Variants in HS6ST2 observed in about 807,000 individuals in gnomAD.
HS6ST2 encodes the protein heparan sulfate 6-O-sulfotransferase 2.
HS6ST2 carries 17 observed loss-of-function variants against 33.0 expected under a neutral mutation model. That is an observed-to-expected ratio of 0.52 (90% CI 0.35 to 0.77). The LOEUF is 0.77. Ranked by LOEUF, HS6ST2 falls within the 30% of genes least tolerant of loss-of-function variation. The pLI is 0.01. For synonymous variants in HS6ST2, 248 were observed against 237.1 expected (o/e 1.05, Z -0.42); for missense variants, 519 against 551.7 (o/e 0.94, Z 0.59).
At chrX:132,779,847 C>T (rs983628416) in intron 2 of HS6ST2, among the ~76,000 whole-genome samples, 2 of 110,962 alleles carry the variant, frequency 1.8e-5, no homozygotes, top group African/African-American at 3.3e-5. Context: ...GAAACTGAGA[C>T]TCAGAGAGAT....
At chrX:132,782,191 A>G (rs1485060639) in intron 2 of HS6ST2, among the ~76,000 whole-genome samples, 1 of 112,089 alleles carries the variant, frequency 8.9e-6, no homozygotes, top group Non-Finnish European at 1.9e-5. Flanking sequence ...AGTATAGTAC[A>G]CAGAAAGTTT....
At chrX:132,633,797 A>G (rs1038730150) in intron 4 of HS6ST2, among the ~76,000 whole-genome samples, 3 of 111,958 alleles carry the variant, frequency 2.7e-5, no homozygotes, top group Non-Finnish European at 5.6e-5. Context: ...ACTATTCTCT[A>G]TATAGCTTCA....
intron 2 of HS6ST2, among the ~76,000 whole-genome samples, chrX:132,810,429 GAGAGAGAAAGAGAGAGACAGAA>G (rs938747124): frequency 9.5e-6 from 1 of 105,174 alleles, no homozygotes; most frequent in Non-Finnish European, 2.0e-5. Flanking sequence ...AGGAAGGAAG[GAGAGAGAAAGAGAGAGACAGAA>G]AGAGAGAAAG....
intron 2 of HS6ST2, chrX:132,758,128 C>T (rs182858038): frequency 6.2e-5 from 7 of 112,606 alleles, no homozygotes; most frequent in Non-Finnish European, 3.8e-5. Context: ...GAAGTTAACT[C>T]ATAAATGTTA....
chrX:132,798,364 G>T, intron 2 of HS6ST2, among the ~76,000 whole-genome samples: 1 of 111,434 alleles, frequency 9.0e-6, no homozygotes, highest in Non-Finnish European at 1.9e-5. Context: ...GGGTCACTCA[G>T]CAGAATAGCC....
chrX:132,896,470 CAAAA>C (rs1176818195), intron 2 of HS6ST2, among the ~76,000 whole-genome samples: 2 of 52,245 alleles, frequency 3.8e-5, no homozygotes, highest in African/African-American at 1.5e-4. Flanking sequence ...GACTCCGTCT[CAAAA>C]AAAAAAAAAA....
At chrX:132,787,240 CATATATGTAT>C (rs1190625528) in intron 2 of HS6ST2, among the ~76,000 whole-genome samples, 2 of 66,350 alleles carry the variant, frequency 3.0e-5, no homozygotes, top group Non-Finnish European at 5.6e-5. Flanking sequence ...CATATATATA[CATATATGTAT>C]ATATATGTAT....
chrX:132,661,260 A>C (rs2063770115), intron 4 of HS6ST2, among the ~76,000 whole-genome samples: 1 of 110,494 alleles, frequency 9.1e-6, no homozygotes, highest in African/African-American at 3.3e-5. Flanking sequence ...ATCTGTCTTT[A>C]GTCACAGATA....
intron 2 of HS6ST2, among the ~76,000 whole-genome samples, chrX:132,881,446 T>C (rs961105477): frequency 1.3e-4 from 14 of 107,203 alleles, no homozygotes; most frequent in African/African-American, 4.8e-4. Context: ...TGTCTGTTCA[T>C]ATACTTTGCC....
chrX:132,884,562 A>T (rs900152741), intron 2 of HS6ST2, among the ~76,000 whole-genome samples: 1 of 112,299 alleles, frequency 8.9e-6, no homozygotes, highest in South Asian at 3.7e-4. Flanking sequence ...AGTGCTATAG[A>T]GAAAAGAGTA....
chrX:132,637,868 TATATATA>T (rs1391138034), intron 4 of HS6ST2, among the ~76,000 whole-genome samples: 990 of 42,962 alleles, frequency 0.023, 16 homozygotes, highest in Middle Eastern at 0.073. Flanking sequence ...TATAATATAT[TATATATA>T]ATATATATAT....
At chrX:132,696,119 A>G (rs2064102950) in intron 3 of HS6ST2, among the ~76,000 whole-genome samples, 1 of 111,965 alleles carries the variant, frequency 8.9e-6, no homozygotes, top group Non-Finnish European at 1.9e-5. Flanking sequence ...CCAAGTTTTC[A>G]CCATGGCAGT....
chrX:132,672,424 C>CT (rs2063890759), intron 3 of HS6ST2, among the ~76,000 whole-genome samples: 1 of 111,489 alleles, frequency 9.0e-6, no homozygotes, highest in African/African-American at 3.3e-5. Context: ...GCCCTCATCA[C>CT]TTTCATCTTG....
chrX:132,762,242 T>C (rs1031982608), intron 2 of HS6ST2, among the ~76,000 whole-genome samples: 1 of 111,408 alleles, frequency 9.0e-6, no homozygotes, highest in Non-Finnish European at 1.9e-5. Flanking sequence ...CTACTAGATA[T>C]TGAGCTCTTT....
At chrX:132,704,334 CACCT>C (rs2064170710) in intron 3 of HS6ST2, among the ~76,000 whole-genome samples, 1 of 112,178 alleles carries the variant, frequency 8.9e-6, no homozygotes, top group Non-Finnish European at 1.9e-5. Flanking sequence ...GTGGGTGGAT[CACCT>C]GAGGTCAGGA....
At chrX:132,922,800 C>T (rs927025914) in intron 2 of HS6ST2, among the ~76,000 whole-genome samples, 1 of 111,852 alleles carries the variant, frequency 8.9e-6, no homozygotes, top group Non-Finnish European at 1.9e-5. Context: ...CTGTGGCTCA[C>T]GCCTGTAATC....
At chrX:132,877,851 A>G (rs1365300712) in intron 2 of HS6ST2, among the ~76,000 whole-genome samples, 2 of 110,776 alleles carry the variant, frequency 1.8e-5, no homozygotes, top group South Asian at 3.9e-4. Context: ...TGATAAACCC[A>G]TAAATTCTAT....
chrX:132,821,210 CTTTT>C (rs397895430), intron 2 of HS6ST2, among the ~76,000 whole-genome samples: 1 of 77,089 alleles, frequency 1.3e-5, no homozygotes, highest in Non-Finnish European at 2.4e-5. Flanking sequence ...CATTCCCATT[CTTTT>C]TTTTTTTTTT....
At chrX:132,751,683 T>C (rs16993003) in intron 2 of HS6ST2, among the ~76,000 whole-genome samples, 2,169 of 112,820 alleles carry the variant, frequency 0.019, 54 homozygotes, top group African/African-American at 0.066. Flanking sequence ...AAAACCATCA[T>C]TTTTCACACT....
Sources: gnomAD v4.1 joint callset for allele counts (sites outside exome capture counted in the v4.1 genomes callset) on GRCh38, gnomAD v4.1.1 for gene constraint, MANE v1.5 for transcripts, NCBI Gene and HGNC (gene_info 2026-07-23, HGNC 2026-07-21) for gene names.